ARID5B: variants seen among roughly 807,000 people sequenced by gnomAD.
ARID5B encodes the protein AT-rich interaction domain 5B.
A neutral mutation model predicts 97.2 loss-of-function variants in ARID5B; 13 were observed. The ratio of observed to expected loss-of-function variants is 0.13; its 90% CI spans 0.09 to 0.21. The LOEUF (loss-of-function observed/expected upper bound fraction) is 0.21. Among genes scored for constraint, ARID5B ranks in the 10% least tolerant of loss-of-function variants. ARID5B has a pLI of 1.00. For missense variants in ARID5B, 1,210 were observed against 1,465.3 expected (o/e 0.83, Z 2.84); for synonymous variants, 556 against 570.3 (o/e 0.97, Z 0.36).
chr10:61,916,019 G>C (rs770015043), intron 2 of ARID5B, among the ~76,000 whole-genome samples: 2 of 152,022 alleles, frequency 1.3e-5, no homozygotes, highest in Non-Finnish European at 2.9e-5. Context: ...GCCTCCCAAA[G>C]TGCTAGGATT....
intron 4 of ARID5B, among the ~76,000 whole-genome samples, chr10:62,006,537 A>G (rs997178093): frequency 6.6e-6 from 1 of 152,208 alleles, no homozygotes; most frequent in East Asian, 1.9e-4. Context: ...AGTGAAAACA[A>G]GGAGAACCTT....
At chr10:62,067,758 G>T (rs1035580666) in intron 7 of ARID5B, among the ~76,000 whole-genome samples, 2 of 152,220 alleles carry the variant, frequency 1.3e-5, no homozygotes. Context: ...GTGTCATTGG[G>T]CAAGTGTGCA....
rs551500541 is a variant in ARID5B at position 62,086,157 on chromosome 10, G to A, written c.1398+257G>A. Among the ~76,000 whole-genome samples the A allele has an allele frequency of 3.3e-5, 5 of 152,312 alleles. No homozygotes were observed. The East Asian group carries it at 5.8e-4, about 18-fold the overall frequency. ...GAATCTAGAAAGATACAAACATCCT[G>A]TAGAAAACTGATAGCAAATGCTCAG... On this transcript the variant is annotated intron_variant, in intron 9 of 9. Transcript: ENST00000279873.
At chr10:62,061,908 G>C (rs1174872139) in intron 7 of ARID5B, among the ~76,000 whole-genome samples, 2 of 152,044 alleles carry the variant, frequency 1.3e-5, no homozygotes, top group Non-Finnish European at 2.9e-5. Flanking sequence ...CTCTCCATCT[G>C]GTCATGAACA....
At position 61,950,432 on chromosome 10, in the gene ARID5B, G is replaced by T. The variant is rs563608607; in HGVS notation, c.502+10024G>T. Among the ~76,000 whole-genome samples the T allele has an allele frequency of 8.0e-4, 122 of 152,358 alleles. 1 individual carries two copies. Among genetic ancestry groups the T allele is most frequent in the Non-Finnish European group, 9.3e-4 (63 of 68,036 alleles). ...GCCTATAACCCCAACACTCCGGAAG[G>T]CCGAGGTGGGAGGATTGCTTGAGGC... On this transcript the variant is annotated intron_variant, in intron 3 of 9. Transcript: ENST00000279873.
chr10:61,960,725 C>T (rs951457864), intron 3 of ARID5B, among the ~76,000 whole-genome samples: 1 of 152,096 alleles, frequency 6.6e-6, no homozygotes, highest in Non-Finnish European at 1.5e-5. Context: ...GAAATGAGGG[C>T]CCCCTTCTTT....
chr10:62,029,490 T>A (rs902105686), intron 4 of ARID5B, among the ~76,000 whole-genome samples: 1 of 152,162 alleles, frequency 6.6e-6, no homozygotes, highest in African/African-American at 2.4e-5. Flanking sequence ...AGGAAGACAA[T>A]ATTGGATCTA....
At chr10:62,063,720 C>T (rs1266093718) in intron 7 of ARID5B, among the ~76,000 whole-genome samples, 1 of 152,214 alleles carries the variant, frequency 6.6e-6, no homozygotes, top group Non-Finnish European at 1.5e-5. Context: ...GACGAGGACC[C>T]TTCCTTTGCA....
chr10:62,026,372 T>C (rs567108707), intron 4 of ARID5B, among the ~76,000 whole-genome samples: 1 of 152,354 alleles, frequency 6.6e-6, no homozygotes, highest in Non-Finnish European at 1.5e-5. Context: ...GATTACCAAC[T>C]ATGTAATTGT....
At chr10:61,953,227 T>G (rs1206206199) in intron 3 of ARID5B, among the ~76,000 whole-genome samples, 1 of 152,204 alleles carries the variant, frequency 6.6e-6, no homozygotes, top group African/African-American at 2.4e-5. Context: ...CTGTTAGGCC[T>G]TACAAAAACA....
intron 3 of ARID5B, among the ~76,000 whole-genome samples, chr10:61,972,786 G>A (rs1411073022): frequency 2.6e-5 from 4 of 152,154 alleles, no homozygotes; most frequent in Non-Finnish European, 5.9e-5. Context: ...TCAGATCAAA[G>A]TTCAAAGCAG....
At chr10:62,029,264 G>T (rs1839463740) in intron 4 of ARID5B, among the ~76,000 whole-genome samples, 1 of 152,154 alleles carries the variant, frequency 6.6e-6, no homozygotes, top group Non-Finnish European at 1.5e-5. Context: ...TTCCGGGTAT[G>T]CCATGCCTTC....
At chr10:61,902,559 G>A in intron 2 of ARID5B, 146 bp downstream of exon 2, 1 of 1,150,276 alleles carries the variant, frequency 8.7e-7, no homozygotes, top group Admixed American at 2.5e-5. Context: ...GCCACTAGCT[G>A]GGGCTCGAGT....
rs543260111 is a variant in ARID5B at position 61,961,992 on chromosome 10, G to T, written c.502+21584G>T. On this transcript the variant is annotated intron_variant, in intron 3 of 9. Coordinates refer to ENST00000279873, the MANE Select transcript of ARID5B (RefSeq NM_032199.3). ...TCAAACTCCTGACCTCAGGTGATCC[G>T]CCAGCCTAGGCCTCCCAAAGTGCTG... Among the ~76,000 whole-genome samples, 3 of 152,106 alleles carry T rather than the reference G, an allele frequency of 2.0e-5. No homozygotes were observed. In the East Asian group the frequency reaches 5.8e-4, roughly 29 times the overall value.
chr10:61,980,518 C>T (rs1838762891), intron 3 of ARID5B, among the ~76,000 whole-genome samples: 1 of 152,142 alleles, frequency 6.6e-6, no homozygotes, highest in African/African-American at 2.4e-5. Context: ...AGGAGAGAAG[C>T]CCAGCAAATG....
At chr10:62,068,299 T>A (rs1247270507) in intron 7 of ARID5B, among the ~76,000 whole-genome samples, 1 of 152,188 alleles carries the variant, frequency 6.6e-6, no homozygotes, top group Non-Finnish European at 1.5e-5. Flanking sequence ...TTCTGTCTAG[T>A]GAGAACTATT....
intron 4 of ARID5B, among the ~76,000 whole-genome samples, chr10:62,034,554 G>A (rs1839537762): frequency 6.6e-6 from 1 of 152,244 alleles, no homozygotes; most frequent in Admixed American, 6.5e-5. Context: ...CATTTGCCAT[G>A]TGTGTTTCCC....
chr10:61,918,276 G>A (rs1843945639), intron 2 of ARID5B, among the ~76,000 whole-genome samples: 1 of 152,214 alleles, frequency 6.6e-6, no homozygotes, highest in Non-Finnish European at 1.5e-5. Context: ...CTGCCAGTTA[G>A]TAGCTGTGTG....
intron 8 of ARID5B, 140 bp downstream of exon 8, chr10:62,069,937 GC>G: frequency 1.4e-6 from 1 of 735,812 alleles, no homozygotes; most frequent in Non-Finnish European, 2.2e-6. Context: ...TTTGCATACC[GC>G]CTTGTGATTT....
Sources: allele counts gnomAD v4.1 joint callset (sites outside exome capture counted in the v4.1 genomes callset), GRCh38; gene constraint gnomAD v4.1.1; transcripts MANE v1.5; gene names NCBI Gene and HGNC (gene_info 2026-07-23, HGNC 2026-07-21).